SGPP2: variants seen among roughly 807,000 people sequenced by gnomAD.
SGPP2 encodes the protein sphingosine 1-phosphate phosphohydrolase 2.
SGPP2 carries 30 observed loss-of-function variants against 33.9 expected under a neutral mutation model. The ratio of observed to expected loss-of-function variants is 0.89; its 90% confidence interval spans 0.66 to 1.20. The LOEUF (loss-of-function observed/expected upper bound fraction) is 1.20. Among genes scored for constraint, SGPP2 ranks in the 50% most tolerant of loss-of-function variants. The pLI, the probability that SGPP2 is intolerant of heterozygous loss-of-function variation, is 0.00. For missense variants in SGPP2, 458 were observed against 532.1 expected, an observed-to-expected ratio of 0.86 and a Z score of 1.37; for synonymous variants, 233 against 225.0, an observed-to-expected ratio of 1.04 and a Z score of -0.32.
In SGPP2 at chr2:222,550,611, T is replaced by C. The variant is rs2106155010; in HGVS notation, c.649-7736T>C. 6.6e-6 allele frequency among the ~76,000 whole-genome samples: 1 copy of C among 152,330 alleles called. No individual in the cohort carries two copies. Among genetic ancestry groups the C allele is most frequent in the South Asian group, 2.1e-4 (1 of 4,828 alleles). The stretch of plus-strand genomic sequence containing the variant: ...TACCTTGAAACCATAGAAAATGAGG[T>C]TGCAGAAATTTGTCTTTTCACATGG... On this transcript the variant is annotated intron_variant, in intron 4 of 4. Transcript: ENST00000321276. The surrounding 1 kb of genome is among the most constrained non-coding windows in gnomAD (Gnocchi z 4.5).
rs974519327 is a variant in SGPP2, at chr2:222,561,018, T to A, written c.*2120T>A. 5.3e-5 allele frequency: 8 copies of A among 150,460 alleles called. No homozygotes were observed. Among genetic ancestry groups the A allele is most frequent in the African/African-American group, 2.0e-4 (8 of 40,702 alleles). The allele number at this position is 150,460 out of a possible 1,614,324, so 9.3% of individuals were successfully genotyped here. A position where few individuals can be genotyped will look rare whatever the true frequency, so the allele number is the denominator to read the frequency against. ...TACTCAGGAGGCTGAGGCAGGAGAATGGCGTGAACCCGGTGAGCGGAGCTT... is the reference window on the plus strand; with the variant it reads ...TACTCAGGAGGCTGAGGCAGGAGAAAGGCGTGAACCCGGTGAGCGGAGCTT... On this transcript the variant is annotated 3_prime_UTR_variant, in exon 5 of 5. Transcript: ENST00000321276.
At chr2:222,518,489 C>T (rs753373025) in intron 2 of SGPP2, among the ~76,000 whole-genome samples, 1 of 152,090 alleles carries the variant, frequency 6.6e-6, no homozygotes, top group Admixed American at 6.6e-5. Flanking sequence ...GTAGTTATGC[C>T]TGTGATATTT....
Position 222,424,820 on chromosome 2 carries a change from A to G in SGPP2, c.218A>G (p.Glu73Gly). Residue 73 changes from glutamate to glycine, a missense_variant and splice_region_variant, in exon 1 of 5, where the codon GAG (glutamate) becomes GGG (glycine). Coordinates refer to ENST00000321276, the MANE Select transcript of SGPP2 (RefSeq NM_152386.4). ...GGGCTGCGCAGAGCCGCGGCGCCGG[A>G]GGTAACCATGGGCAGGTGTTCGCCG... ...ANGLRRAAAPEAYVQKYVVKN... is the reference protein window; with the variant it reads ...ANGLRRAAAPGAYVQKYVVKN... 1 of 1,363,806 alleles carries G rather than the reference A, an allele frequency of 7.3e-7. No individual in the cohort carries two copies. The highest frequency in any genetic ancestry group is 3.4e-5 in the Admixed American group (1 of 29,112). The allele number at this position is 1,363,806 out of a possible 1,614,324, so 84.5% of individuals were successfully genotyped here.
chr2:222,453,986 T>C (rs1697532612), intron 1 of SGPP2, among the ~76,000 whole-genome samples: 2 of 152,220 alleles, frequency 1.3e-5, no homozygotes, highest in Non-Finnish European at 2.9e-5. Flanking sequence ...TTTTTAACAA[T>C]AGTACTGACC....
At chr2:222,426,909 C>T (rs957555193) in intron 1 of SGPP2, among the ~76,000 whole-genome samples, 9 of 152,162 alleles carry the variant, frequency 5.9e-5, no homozygotes, top group Non-Finnish European at 1.0e-4. Context: ...TTTGTACAGG[C>T]GTTGGCCTGC....
intron 1 of SGPP2, among the ~76,000 whole-genome samples, chr2:222,468,692 C>T (rs974865629): frequency 6.6e-6 from 1 of 152,174 alleles, no homozygotes; most frequent in East Asian, 1.9e-4. Flanking sequence ...GAAAGCAAAG[C>T]GCTGTTCAGG....
Position 222,521,905 on chromosome 2 carries a change from A to G in SGPP2, c.517A>G (p.Ile173Val). Reference sequence around the variant, plus strand: ...CACCCACGCCATGGCGGCCACTGCCATTGCCTTCACCCTCCTTATCTCTAC... The same window carrying G: ...CACCCACGCCATGGCGGCCACTGCCGTTGCCTTCACCCTCCTTATCTCTAC... The part of the protein sequence containing the change: ...PSTHAMAATA[I>V]AFTLLISTMD... The change falls in exon 3 of 5, where the codon ATT becomes GTT. Residue 173 changes from isoleucine to valine, a missense_variant. Transcript: ENST00000321276. The G allele has an allele frequency of 1.9e-6, 3 of 1,605,946 alleles. No individual in the cohort carries two copies. The Admixed American group carries it at 5.1e-5, about 27-fold the overall frequency.
chr2:222,429,339 C>T (rs1377410106), intron 1 of SGPP2, among the ~76,000 whole-genome samples: 1 of 152,210 alleles, frequency 6.6e-6, no homozygotes, highest in South Asian at 2.1e-4. Flanking sequence ...GTGGTCATGG[C>T]AGCCGTGACA....
At chr2:222,549,684 G>A (rs1574891525) in intron 4 of SGPP2, among the ~76,000 whole-genome samples, 1 of 151,970 alleles carries the variant, frequency 6.6e-6, no homozygotes, top group African/African-American at 2.4e-5. Context: ...AAATCAAAGC[G>A]ATTTAGAACT....
At chr2:222,431,334 G>C (rs1015317986) in intron 1 of SGPP2, among the ~76,000 whole-genome samples, 6 of 152,048 alleles carry the variant, frequency 3.9e-5, no homozygotes, top group Non-Finnish European at 8.8e-5. Flanking sequence ...GTGAAACCCT[G>C]TCTCTACCAA....
At chr2:222,485,294 G>T (rs1417946329) in intron 2 of SGPP2, among the ~76,000 whole-genome samples, 1 of 152,174 alleles carries the variant, frequency 6.6e-6, no homozygotes, top group Non-Finnish European at 1.5e-5. Context: ...ATCTACAGCA[G>T]CCATATGTCA....
At chr2:222,461,359 G>C (rs1170177908) in intron 1 of SGPP2, among the ~76,000 whole-genome samples, 3 of 152,126 alleles carry the variant, frequency 2.0e-5, no homozygotes, top group Admixed American at 6.5e-5. Flanking sequence ...ATGACACCCA[G>C]AGCCTCTTAG....
intron 2 of SGPP2, among the ~76,000 whole-genome samples, chr2:222,512,116 G>A (rs1177542500): frequency 6.6e-6 from 1 of 151,924 alleles, no homozygotes; most frequent in Non-Finnish European, 1.5e-5. Context: ...CCGGGTTCAC[G>A]CCATTCTGCC....
At chr2:222,547,887 G>A (rs1320038102) in intron 4 of SGPP2, among the ~76,000 whole-genome samples, 2 of 152,080 alleles carry the variant, frequency 1.3e-5, no homozygotes, top group East Asian at 1.9e-4. Flanking sequence ...ATGAATATGT[G>A]TGAAAGATTT....
intron 2 of SGPP2, among the ~76,000 whole-genome samples, chr2:222,506,675 A>G (rs1698450357): frequency 6.6e-6 from 1 of 152,140 alleles, no homozygotes; most frequent in Non-Finnish European, 1.5e-5. Flanking sequence ...AGTTTTGGAG[A>G]AGTCAAAAGT....
At chr2:222,478,165 A>G (rs1175933980) in intron 2 of SGPP2, among the ~76,000 whole-genome samples, 1 of 139,402 alleles carries the variant, frequency 7.2e-6, no homozygotes, top group Non-Finnish European at 1.5e-5. Context: ...AGGCCATTCC[A>G]AGGGGCGAGA....
chr2:222,558,374 G>A lies in SGPP2; in HGVS notation c.676G>A (p.Ala226Thr), dbSNP rs746343935. Residue 226 changes from alanine (A) to threonine (T), a missense_variant, in exon 5 of 5, where the codon GCA (alanine) becomes ACA (threonine). Ala to Thr is a moderately conservative substitution (Grantham distance 58). Transcript: ENST00000321276. ...LDVLGGVLITALLIVLTYPAW... is the reference protein window; with the variant it reads ...LDVLGGVLITTLLIVLTYPAW... Reference sequence around the variant, plus strand: ...TGTGCTGGGTGGCGTCCTGATCACCGCACTCCTCATCGTCCTCACCTACCC... The same window carrying A: ...TGTGCTGGGTGGCGTCCTGATCACCACACTCCTCATCGTCCTCACCTACCC... 57 of 1,613,942 alleles carry A rather than the reference G, an allele frequency of 3.5e-5. No individual in the cohort carries two copies. Among genetic ancestry groups the A allele is most frequent in the East Asian group, 3.3e-4 (15 of 44,888 alleles).
chr2:222,443,579 C>T (rs1463206005), intron 1 of SGPP2, among the ~76,000 whole-genome samples: 1 of 152,182 alleles, frequency 6.6e-6, no homozygotes, highest in Non-Finnish European at 1.5e-5. Flanking sequence ...TTGCTCTTCC[C>T]TCTGCCATTT....
At chr2:222,429,612 G>A (rs1035014265) in intron 1 of SGPP2, among the ~76,000 whole-genome samples, 3 of 152,150 alleles carry the variant, frequency 2.0e-5, no homozygotes, top group Non-Finnish European at 2.9e-5. Flanking sequence ...ATGGCCGCAT[G>A]TTCCTCCACA....
Sources: allele counts gnomAD v4.1 joint callset (sites outside exome capture counted in the v4.1 genomes callset), GRCh38; gene constraint gnomAD v4.1.1; non-coding constraint Gnocchi (gnomAD v3.1); transcripts MANE v1.5; gene names NCBI Gene and HGNC (gene_info 2026-07-23, HGNC 2026-07-21).